The following BPNT1 variants were observed in gnomAD, a reference collection of about 807,000 sequenced individuals.
BPNT1 encodes the protein 3'(2'), 5'-bisphosphate nucleotidase 1.
Under a neutral mutation model 36.9 loss-of-function variants are expected in BPNT1, and 28 were observed. The observed-to-expected ratio is 0.76, with a 90% CI of 0.56 to 1.04. The LOEUF is 1.04. Ranked by LOEUF, BPNT1 falls within the 50% of genes least tolerant of loss-of-function variation. The probability of loss-of-function intolerance (pLI) is 0.00; values close to 1 mark genes in which losing one functional copy is unlikely to be tolerated. For missense variants in BPNT1, 313 were observed against 372.9 expected, an observed-to-expected ratio of 0.84 and a Z score of 1.32; for synonymous variants, 119 against 130.9, an observed-to-expected ratio of 0.91 and a Z score of 0.62.
chr1:220,064,783 T>C (rs143422833), intron 6 of BPNT1, among the ~76,000 whole-genome samples: 6 of 152,224 alleles, frequency 3.9e-5, no homozygotes, highest in East Asian at 3.9e-4. Flanking sequence ...AGGAGAGGCT[T>C]GGAATCTAAG....
chr1:220,087,882 T>A (rs146972054), intron 1 of BPNT1, among the ~76,000 whole-genome samples: 7,648 of 152,064 alleles, frequency 0.05, 210 homozygotes, highest in South Asian at 0.11. Flanking sequence ...TTAATTAATT[T>A]ATTTATTTTT....
Position 220,058,597 on chromosome 1 carries a change from T to C in BPNT1, c.*247A>G, listed in dbSNP as rs577132448. 253 of 869,844 alleles carry C rather than the reference T, an allele frequency of 2.9e-4. 1 individual carries two copies. In the African/African-American group the frequency reaches 4.1e-3, roughly 14 times the overall value. 53.9% of individuals were successfully genotyped at this position (869,844 alleles called of 1,614,324 possible). A position where few individuals can be genotyped will look rare whatever the true frequency, so the allele number is the denominator to read the frequency against. Reference sequence around the variant, plus strand: ...CTCAGGCTGGAGTGCAGTGGCACGATCTCAGCTCACTGCAACCTCTGCCTT... The same window carrying C: ...CTCAGGCTGGAGTGCAGTGGCACGACCTCAGCTCACTGCAACCTCTGCCTT... On this transcript the variant is annotated 3_prime_UTR_variant, in exon 9 of 9. Coordinates refer to ENST00000322067, the MANE Select transcript of BPNT1 (RefSeq NM_006085.6).
At chr1:220,062,447 T>A (rs1196586229) in intron 7 of BPNT1, among the ~76,000 whole-genome samples, 1 of 152,106 alleles carries the variant, frequency 6.6e-6, no homozygotes, top group East Asian at 1.9e-4. Context: ...TCCAATTTCA[T>A]CCACGTCCTT....
chr1:220,058,854 A>C lies in BPNT1; in HGVS notation c.917T>G (p.Leu306Arg), dbSNP rs765111617. ...AAATGAAACTTTCCTTTAAGGAACAAGTGCATTTTTAATAGATTCTGGAAC... is the reference window on the plus strand; with the variant it reads ...AAATGAAACTTTCCTTTAAGGAACACGTGCATTTTTAATAGATTCTGGAAC... Reference protein sequence around the residue: ...SRVPESIKNALVP With the variant: ...SRVPESIKNARVP The change falls in exon 9 of 9, where the codon CTT (leucine) becomes CGT (arginine). Residue 306 changes from leucine (L) to arginine (R), a missense_variant. Physicochemically the swap from Leu to Arg is moderately radical, Grantham distance 102. Coordinates refer to ENST00000322067, the MANE Select transcript of BPNT1 (RefSeq NM_006085.6). The C allele has an allele frequency of 6.2e-7, 1 of 1,614,082 alleles. No homozygotes were observed. Among genetic ancestry groups the C allele is most frequent in the East Asian group, 2.2e-5 (1 of 44,878 alleles).
Position 220,058,983 on chromosome 1 carries a change from G to A in BPNT1, c.788C>T (p.Thr263Ile). ...CTGAAGAACATTCCCATGGATATCG[G>A]TTAACTTGCCTATAGAAAAACATCA... is the stretch of plus-strand genomic sequence containing the variant. ...VILHAVGGKL[T>I]DIHGNVLQYH... Residue 263 changes from threonine (T) to isoleucine (I), a missense_variant, in exon 9 of 9, where the codon ACC becomes ATC. Coordinates refer to ENST00000322067, the MANE Select transcript of BPNT1 (RefSeq NM_006085.6). 2 of 1,613,350 alleles carry A rather than the reference G, an allele frequency of 1.2e-6. No homozygotes were observed. The highest frequency in any genetic ancestry group is 1.7e-6 in the Non-Finnish European group (2 of 1,179,564).
intron 1 of BPNT1, among the ~76,000 whole-genome samples, chr1:220,083,349 G>T (rs1163246202): frequency 1.3e-5 from 2 of 150,580 alleles, no homozygotes; most frequent in Non-Finnish European, 3.0e-5. Flanking sequence ...TTTTGAGATG[G>T]AGTCTCGCTC....
In BPNT1 at chr1:220,088,988, C is replaced by T. The variant is rs560527127; in HGVS notation, c.-9+698G>A. 3.3e-5 allele frequency among the ~76,000 whole-genome samples: 5 copies of T among 149,724 alleles called. No homozygotes were observed. In the East Asian group the frequency reaches 8.0e-4, roughly 24 times the overall value. On this transcript the variant is annotated intron_variant, in intron 1 of 8. Transcript: ENST00000322067. ...TGGTGGTGGGCGCCTGTAGTCCCAG[C>T]TACTCGGGAGGCTGAGGCAGGAGAA... is the stretch of plus-strand genomic sequence containing the variant.
intron 1 of BPNT1, among the ~76,000 whole-genome samples, chr1:220,080,148 C>T (rs1374181423): frequency 1.3e-5 from 2 of 152,006 alleles, no homozygotes; most frequent in Admixed American, 1.3e-4. Flanking sequence ...TGTATGAGGT[C>T]GTGGGTGATG....
Position 220,079,745 on chromosome 1 carries a change from G to T in BPNT1, c.102C>A (p.Asp34Glu). 1 of 1,614,032 alleles carries T rather than the reference G, an allele frequency of 6.2e-7. No individual in the cohort carries two copies. Among genetic ancestry groups the T allele is most frequent in the South Asian group, 1.1e-5 (1 of 91,082 alleles). Residue 34 changes from aspartate (D) to glutamate (E), a missense_variant, in exon 2 of 9, where the codon GAC (aspartate) becomes GAA (glutamate). Coordinates refer to ENST00000322067, the MANE Select transcript of BPNT1 (RefSeq NM_006085.6). ...TGAGTACCTTCTCCACAATACCCAGGTCTCCTTCAGCAATAACACGTCTGA... is the reference window on the plus strand; with the variant it reads ...TGAGTACCTTCTCCACAATACCCAGTTCTCCTTCAGCAATAACACGTCTGA... ...MIVRRVIAEG[D>E]LGIVEKTCAT... is the part of the protein sequence containing the mutation.
rs1662739553 is a variant in BPNT1, at chr1:220,058,765, G to T, written c.*79C>A. 2.9e-6 allele frequency: 4 copies of T among 1,400,628 alleles called. No homozygotes were observed. The South Asian group carries it at 4.8e-5, about 17-fold the overall frequency. 86.8% of individuals were successfully genotyped at this position (1,400,628 alleles called of 1,614,324 possible). A position where few individuals can be genotyped will look rare whatever the true frequency, so the allele number is the denominator to read the frequency against. On this transcript the variant is annotated 3_prime_UTR_variant, in exon 9 of 9. Transcript: ENST00000322067. ...GCTGGTCTCAAACTCCTGAGCTCAA[G>T]TGATCCACCTGCCTCGGCCTCCCAA...
chr1:220,079,326 C>T (rs187069843), intron 2 of BPNT1, among the ~76,000 whole-genome samples: 21 of 152,062 alleles, frequency 1.4e-4, no homozygotes, highest in African/African-American at 4.6e-4. Flanking sequence ...AATCTCGGCT[C>T]ACTGCAACCT....
chr1:220,080,964 G>A (rs115214196), intron 1 of BPNT1, among the ~76,000 whole-genome samples: 2,539 of 152,300 alleles, frequency 0.017, 35 homozygotes, highest in Non-Finnish European at 0.027. Context: ...AATCAAGTAC[G>A]TTGCCTTTTC....
chr1:220,065,674 T>C (rs1192258655), intron 6 of BPNT1, among the ~76,000 whole-genome samples: 2 of 152,182 alleles, frequency 1.3e-5, no homozygotes, highest in Admixed American at 1.3e-4. Context: ...ATGGGGATAA[T>C]AGTTTATTTA....
chr1:220,071,822 G>A lies in BPNT1; in HGVS notation c.333+1028C>T, dbSNP rs148387948. Among the ~76,000 whole-genome samples, 740 of 151,912 alleles carry A rather than the reference G, an allele frequency of 4.9e-3. 5 individuals carry two copies. The highest frequency in any genetic ancestry group is 0.035 in the East Asian group (181 of 5,110). On this transcript the variant is annotated intron_variant, in intron 4 of 8. Transcript: ENST00000322067. ...CCTGCCTCAGCCTCCTGAGTAACTGGGATTACAGGCATGTGCCACCACGCC... is the reference window on the plus strand; with the variant it reads ...CCTGCCTCAGCCTCCTGAGTAACTGAGATTACAGGCATGTGCCACCACGCC...
At position 220,074,080 on chromosome 1, in the gene BPNT1, A is replaced by C; in HGVS notation, c.121-9T>G. On this transcript the variant is annotated splice_polypyrimidine_tract_variant and intron_variant, in intron 2 of 8. Transcript: ENST00000322067. ...AGGTCTGTTGCACAGGTCTGTAATAAAGAATGCAAATTTTAGCAGAGCTAA... is the reference window on the plus strand; with the variant it reads ...AGGTCTGTTGCACAGGTCTGTAATACAGAATGCAAATTTTAGCAGAGCTAA... 1 of 1,606,918 alleles carries C rather than the reference A, an allele frequency of 6.2e-7. No individual in the cohort carries two copies. Among genetic ancestry groups the C allele is most frequent in the Non-Finnish European group, 8.5e-7 (1 of 1,177,890 alleles).
rs1165252786 is a variant in BPNT1, at chr1:220,062,871, A to C, written c.558T>G (p.Pro186=). The change falls in exon 7 of 9, where the codon CCT becomes CCG. Residue 186 remains proline, a synonymous_variant. Transcript: ENST00000322067. ...TAGTTGTGATAATGTGTTTCCCAGC[A>C]GGGACTTCTTTCAGCTGAAACCCAA... The part of the protein sequence containing the change: ...GAFGFQLKEV[P]AGKHIITTTR... 6.2e-7 allele frequency: 1 copy of C among 1,614,044 alleles called. No homozygotes were observed. The highest frequency in any genetic ancestry group is 1.3e-5 in the African/African-American group (1 of 74,924).
chr1:220,068,442 A>G (rs546269969), intron 5 of BPNT1, among the ~76,000 whole-genome samples: 7 of 150,180 alleles, frequency 4.7e-5, no homozygotes, highest in Non-Finnish European at 1.0e-4. Flanking sequence ...TCGGCCTCCC[A>G]AAGTGCTGGG....
chr1:220,082,472 C>T (rs543461950), intron 1 of BPNT1, among the ~76,000 whole-genome samples: 67 of 152,060 alleles, frequency 4.4e-4, no homozygotes, highest in African/African-American at 1.6e-3. Flanking sequence ...TGAGCCACCA[C>T]GCTCAGCCCT....
intron 2 of BPNT1, among the ~76,000 whole-genome samples, chr1:220,074,650 C>CATGCCCGGCTA (rs1451836255): frequency 6.6e-6 from 1 of 151,996 alleles, no homozygotes; most frequent in Non-Finnish European, 1.5e-5. Context: ...CACGTGCCAC[C>CATGCCCGGCTA]ATGCCCGGCT....
Sources: allele counts gnomAD v4.1 joint callset (sites outside exome capture counted in the v4.1 genomes callset), GRCh38; gene constraint gnomAD v4.1.1; transcripts MANE v1.5; gene names NCBI Gene and HGNC (gene_info 2026-07-23, HGNC 2026-07-21).